Variants in TXNL1 observed in about 807,000 individuals in gnomAD.
TXNL1 encodes the protein thioredoxin-like protein 1.
A neutral mutation model predicts 35.5 loss-of-function variants in TXNL1; 14 were observed. The ratio of observed to expected loss-of-function variants is 0.39; its 90% CI spans 0.26 to 0.62. TXNL1 has a LOEUF of 0.62. TXNL1 is among the 20% of genes least tolerant of loss of function. The pLI is 0.47. For missense variants in TXNL1, 263 were observed against 349.7 expected (o/e 0.75, Z 1.98); for synonymous variants, 110 against 115.5 (o/e 0.95, Z 0.31).
At chr18:56,621,470 A>C (rs1252795232) in intron 3 of TXNL1, among the ~76,000 whole-genome samples, 1 of 152,136 alleles carries the variant, frequency 6.6e-6, no homozygotes, top group Non-Finnish European at 1.5e-5. Context: ...CTGGGATTAC[A>C]GGCGTGAGCC....
intron 3 of TXNL1, among the ~76,000 whole-genome samples, chr18:56,620,831 C>G (rs2024167515): frequency 6.6e-6 from 1 of 152,008 alleles, no homozygotes; most frequent in South Asian, 2.1e-4. Context: ...TAGTATAGAC[C>G]TCTAGTTACA....
chr18:56,607,436 C>T (rs1238434589), intron 7 of TXNL1, among the ~76,000 whole-genome samples: 2 of 151,772 alleles, frequency 1.3e-5, no homozygotes, highest in African/African-American at 4.8e-5. Flanking sequence ...GGATTATAGG[C>T]ATGAGCCACC....
chr18:56,616,147 G>T, intron 5 of TXNL1, 98 bp downstream of exon 5: 109 of 871,746 alleles, frequency 1.3e-4, no homozygotes, highest in Non-Finnish European at 1.7e-4. Context: ...AAAAAAAAAA[G>T]AAAAAACAAG....
At chr18:56,606,049 G>T (rs1464220963) in intron 7 of TXNL1, among the ~76,000 whole-genome samples, 2 of 152,078 alleles carry the variant, frequency 1.3e-5, no homozygotes, top group Non-Finnish European at 2.9e-5. Flanking sequence ...TCCTCCCTGT[G>T]CCTATAAAAT....
rs2023772044 is a variant in TXNL1 at position 56,598,583 on chromosome 18, C to G, written c.*4444G>C. The G allele has an allele frequency of 6.6e-6, 1 of 152,452 alleles. No individual in the cohort carries two copies. Among genetic ancestry groups the G allele is most frequent in the Admixed American group, 6.6e-5 (1 of 15,252 alleles). The allele number at this position is 152,452 out of a possible 1,614,324, so 9.4% of individuals were successfully genotyped here. ...GAGGAGAGATTACATTACAAAGACCCCATAAAGAAAAGAGAACCAGCGGCC... is the reference window on the plus strand; with the variant it reads ...GAGGAGAGATTACATTACAAAGACCGCATAAAGAAAAGAGAACCAGCGGCC... On this transcript the variant is annotated 3_prime_UTR_variant, in exon 8 of 8. Transcript: ENST00000217515.
At chr18:56,607,289 A>T (rs2023914714) in intron 7 of TXNL1, among the ~76,000 whole-genome samples, 1 of 151,558 alleles carries the variant, frequency 6.6e-6, no homozygotes, top group Admixed American at 6.6e-5. Context: ...AGTAGCTGGG[A>T]CTACAGGTGC....
chr18:56,614,689 C>A, intron 5 of TXNL1, 93 bp from the exon 6 acceptor site: 1 of 962,728 alleles, frequency 1.0e-6, no homozygotes. Context: ...CAGACACACA[C>A]AAATCAATAC....
chr18:56,616,123 C>T, intron 5 of TXNL1, 122 bp downstream of exon 5: 2 of 820,054 alleles, frequency 2.4e-6, no homozygotes, highest in South Asian at 1.9e-5. Context: ...TAGCACAAGA[C>T]TCTGTCTCAA....
intron 5 of TXNL1, 62 bp downstream of exon 5, chr18:56,616,183 A>T (rs2024083900): frequency 6.9e-7 from 1 of 1,455,508 alleles, no homozygotes; most frequent in Non-Finnish European, 9.4e-7. Context: ...AAAAGTTTTA[A>T]TTTTATGCTA....
chr18:56,615,907 A>G (rs59313045), intron 5 of TXNL1, among the ~76,000 whole-genome samples: 2,000 of 152,190 alleles, frequency 0.013, 48 homozygotes, highest in African/African-American at 0.045. Context: ...AGGTGGGTGG[A>G]TCACTTGGGG....
At chr18:56,632,515 A>C (rs1405299511) in intron 1 of TXNL1, among the ~76,000 whole-genome samples, 1 of 152,178 alleles carries the variant, frequency 6.6e-6, no homozygotes, top group African/African-American at 2.4e-5. Flanking sequence ...AGATCCCAGA[A>C]CCCAACTCTT....
chr18:56,631,480 A>G (rs1015329555), intron 1 of TXNL1, among the ~76,000 whole-genome samples: 4 of 152,256 alleles, frequency 2.6e-5, no homozygotes, highest in African/African-American at 4.8e-5. Flanking sequence ...GAAGAAAAAA[A>G]AAAAGTTACT....
At position 56,618,216 on chromosome 18, in the gene TXNL1, A is replaced by T; in HGVS notation, c.370-90T>A. Reference sequence around the variant, plus strand: ...TTAAATCTCTGATTCTCTTTAGGCAATTTTAAAGAAAACACTTTTAAAACA... The same window carrying T: ...TTAAATCTCTGATTCTCTTTAGGCATTTTTAAAGAAAACACTTTTAAAACA... On this transcript the variant is annotated intron_variant, in intron 3 of 7. Coordinates refer to ENST00000217515, the MANE Select transcript of TXNL1 (RefSeq NM_004786.3). 2.2e-6 allele frequency: 3 copies of T among 1,362,680 alleles called. No individual in the cohort carries two copies. In the South Asian group the frequency reaches 4.1e-5, roughly 18 times the overall value. 84.4% of individuals were successfully genotyped at this position (1,362,680 alleles called of 1,614,324 possible).
chr18:56,616,516 A>G lies in TXNL1; in HGVS notation c.493-202T>C, dbSNP rs575029730. Among the ~76,000 whole-genome samples, 652 of 152,314 alleles carry G rather than the reference A, an allele frequency of 4.3e-3. 1 individual carries two copies. The highest frequency in any genetic ancestry group is 7.3e-3 in the Non-Finnish European group (495 of 68,022). On this transcript the variant is annotated intron_variant, in intron 4 of 7. Transcript: ENST00000217515. ...AGAACTACTACTATTAGTTATGTATATAAGGGAATACAAGAAAAAATTAAT... is the reference window on the plus strand; with the variant it reads ...AGAACTACTACTATTAGTTATGTATGTAAGGGAATACAAGAAAAAATTAAT...
chr18:56,611,577 T>C (rs2023992502), intron 6 of TXNL1, among the ~76,000 whole-genome samples: 1 of 152,134 alleles, frequency 6.6e-6, no homozygotes, highest in Non-Finnish European at 1.5e-5. Flanking sequence ...CTACTAATTA[T>C]AGGGCTGTTT....
At chr18:56,612,851 T>C (rs1438195252) in intron 6 of TXNL1, among the ~76,000 whole-genome samples, 1 of 152,210 alleles carries the variant, frequency 6.6e-6, no homozygotes, top group Non-Finnish European at 1.5e-5. Flanking sequence ...ATATTTCTAA[T>C]ACTTAAAACT....
intron 2 of TXNL1, 199 bp downstream of exon 2, chr18:56,626,162 C>A (rs962339970): frequency 1.0e-5 from 13 of 1,297,262 alleles, no homozygotes; most frequent in African/African-American, 1.5e-5. Context: ...TAATACAAAC[C>A]TGAAGCAATT....
At chr18:56,619,537 C>T (rs1291592646) in intron 3 of TXNL1, among the ~76,000 whole-genome samples, 2 of 82,090 alleles carry the variant, frequency 2.4e-5, no homozygotes, top group African/African-American at 8.0e-5. Flanking sequence ...ACTCTGTCTC[C>T]AAAAAAAAAA....
Position 56,614,590 on chromosome 18 carries a change from C to T in TXNL1, c.569G>A (p.Gly190Asp). 6.2e-7 allele frequency: 1 copy of T among 1,611,204 alleles called. No individual in the cohort carries two copies. Among genetic ancestry groups the T allele is most frequent in the Non-Finnish European group, 8.5e-7 (1 of 1,179,178 alleles). Residue 190 changes from glycine (G) to aspartate (D), a missense_variant, in exon 6 of 8, where the codon GGC becomes GAC. Transcript: ENST00000217515. ...GATAAAAATTTTTACATATTTAGGGCCCTGACCTATACAATGGTAGAATAA... is the reference window on the plus strand; with the variant it reads ...GATAAAAATTTTTACATATTTAGGGTCCTGACCTATACAATGGTAGAATAA... ...MKFQGPDNGQ[G>D]PKYVKIFINL... is the part of the protein sequence containing the mutation.
Sources: gnomAD v4.1 joint callset for allele counts (sites outside exome capture counted in the v4.1 genomes callset) on GRCh38, gnomAD v4.1.1 for gene constraint, MANE v1.5 for transcripts, NCBI Gene and HGNC (gene_info 2026-07-23, HGNC 2026-07-21) for gene names.